Variants in CSMD1 observed in about 807,000 individuals in gnomAD.
CSMD1 encodes the protein CUB and sushi domain-containing protein 1.
Under a neutral mutation model 417.5 loss-of-function variants are expected in CSMD1, and 213 were observed. The observed-to-expected ratio is 0.51, with a 90% CI of 0.46 to 0.57. The LOEUF is 0.57. Ranked by LOEUF, CSMD1 falls within the 20% of genes least tolerant of loss-of-function variation. The probability of loss-of-function intolerance (pLI) is 0.00; values close to 1 mark genes in which losing one functional copy is unlikely to be tolerated. For missense variants in CSMD1, 6,923 were observed against 4,529.7 expected, an observed-to-expected ratio of 1.53 and a Z score of -15.17; for synonymous variants, 2,862 against 1,736.8, an observed-to-expected ratio of 1.65 and a Z score of -16.11.
intron 5 of CSMD1, among the ~76,000 whole-genome samples, chr8:3,847,445 G>C (rs895885834): frequency 6.6e-6 from 1 of 152,110 alleles, no homozygotes; most frequent in Non-Finnish European, 1.5e-5. Context: ...GGCAGTTTTG[G>C]GGTCCTGAGC....
intron 5 of CSMD1, among the ~76,000 whole-genome samples, chr8:3,880,917 T>A (rs1806164416): frequency 6.6e-6 from 1 of 152,170 alleles, no homozygotes; most frequent in Admixed American, 6.6e-5. Flanking sequence ...CAATGTTATT[T>A]ACCAAGTATT....
chr8:4,664,745 T>C (rs796458224), intron 1 of CSMD1, among the ~76,000 whole-genome samples: 11 of 152,284 alleles, frequency 7.2e-5, no homozygotes, highest in African/African-American at 2.4e-4. Flanking sequence ...ATGCTAATCT[T>C]ATAGAGACAA....
intron 23 of CSMD1, among the ~76,000 whole-genome samples, chr8:3,331,791 G>C (rs555190195): frequency 6.6e-6 from 1 of 152,144 alleles, no homozygotes; most frequent in African/African-American, 2.4e-5. Flanking sequence ...CCGTGTGAAT[G>C]ATATATTGAA....
chr8:4,703,384 G>C (rs551375871), intron 1 of CSMD1, among the ~76,000 whole-genome samples: 3 of 152,254 alleles, frequency 2.0e-5, no homozygotes, highest in African/African-American at 7.2e-5. Context: ...AGAAGAAATA[G>C]CGATGGACTC....
At chr8:3,102,085 T>C (rs988407112) in intron 46 of CSMD1, among the ~76,000 whole-genome samples, 3 of 152,066 alleles carry the variant, frequency 2.0e-5, no homozygotes, top group Admixed American at 6.6e-5. Flanking sequence ...GGTGATAAGT[T>C]TCAAAGCACA....
chr8:4,609,728 G>T (rs953230256), intron 2 of CSMD1, among the ~76,000 whole-genome samples: 1 of 151,988 alleles, frequency 6.6e-6, no homozygotes, highest in Non-Finnish European at 1.5e-5. Context: ...CAAGAAAACA[G>T]AAAAAAGTCA....
At chr8:4,978,689 G>A (rs571647315) in intron 1 of CSMD1, among the ~76,000 whole-genome samples, 2 of 152,286 alleles carry the variant, frequency 1.3e-5, no homozygotes, top group Admixed American at 1.3e-4. Context: ...TGTAATCCCA[G>A]CACTTTGGGA....
chr8:3,220,139 C>G (rs1420898587), intron 28 of CSMD1, among the ~76,000 whole-genome samples: 2 of 107,066 alleles, frequency 1.9e-5, no homozygotes, highest in Non-Finnish European at 3.6e-5. Context: ...AGAGACAGAA[C>G]AAGACCCTGT....
chr8:4,275,712 T>C (rs1796446644), intron 3 of CSMD1, among the ~76,000 whole-genome samples: 1 of 152,212 alleles, frequency 6.6e-6, no homozygotes, highest in Non-Finnish European at 1.5e-5. Flanking sequence ...CTCAGTGTGA[T>C]TCCATTCACA....
intron 5 of CSMD1, among the ~76,000 whole-genome samples, chr8:3,943,510 T>G (rs1246941190): frequency 6.6e-6 from 1 of 151,022 alleles, no homozygotes; most frequent in East Asian, 1.9e-4. Flanking sequence ...GAAGTATTAT[T>G]GAAAATGGAA....
chr8:3,717,969 T>C (rs989458898), intron 6 of CSMD1, among the ~76,000 whole-genome samples: 2 of 152,200 alleles, frequency 1.3e-5, no homozygotes, highest in African/African-American at 4.8e-5. Flanking sequence ...TCTAGAACTA[T>C]AGGACCAGTT....
intron 7 of CSMD1, among the ~76,000 whole-genome samples, chr8:3,701,466 C>A (rs1800863059): frequency 6.6e-6 from 1 of 151,684 alleles, no homozygotes; most frequent in African/African-American, 2.4e-5. Flanking sequence ...AACTCAGAGG[C>A]TGACATGAGG....
chr8:3,228,728 T>C (rs759697186), intron 27 of CSMD1, among the ~76,000 whole-genome samples: 3 of 152,054 alleles, frequency 2.0e-5, no homozygotes, highest in African/African-American at 4.8e-5. Context: ...AACTCGTAGT[T>C]ATATTGCTTT....
At chr8:4,672,067 TAG>T (rs1805365787) in intron 1 of CSMD1, among the ~76,000 whole-genome samples, 2 of 152,254 alleles carry the variant, frequency 1.3e-5, no homozygotes, top group South Asian at 4.1e-4. Flanking sequence ...TGTTGAAAGA[TAG>T]AGTTTCCTTT....
intron 3 of CSMD1, among the ~76,000 whole-genome samples, chr8:4,098,583 A>T (rs1801145108): frequency 6.6e-6 from 1 of 152,044 alleles, no homozygotes; most frequent in African/African-American, 2.4e-5. Context: ...AAGATTGGGA[A>T]CTCAACACCC....
intron 1 of CSMD1, among the ~76,000 whole-genome samples, chr8:4,694,708 C>T (rs1381756977): frequency 1.3e-5 from 2 of 152,132 alleles, no homozygotes; most frequent in African/African-American, 4.8e-5. Flanking sequence ...TGTTTCCCTA[C>T]AATGTGTAAC....
rs946670266 is a variant in CSMD1 at position 3,117,464 on chromosome 8, C to G, written c.6430+935G>C. 2.0e-5 allele frequency among the ~76,000 whole-genome samples: 3 copies of G among 152,166 alleles called. No homozygotes were observed. In the East Asian group the frequency reaches 5.8e-4, roughly 29 times the overall value. ...TTAAAGCACAGCCAGATGTCTTCCC[C>G]TTTTCCCCACAGGATACAAGTGCTT... On this transcript the variant is annotated intron_variant, in intron 42 of 69. Coordinates refer to ENST00000635120, the MANE Select transcript of CSMD1 (RefSeq NM_033225.6).
chr8:4,242,306 A>G (rs1034582919), intron 3 of CSMD1, among the ~76,000 whole-genome samples: 2 of 152,156 alleles, frequency 1.3e-5, no homozygotes, highest in Non-Finnish European at 2.9e-5. Context: ...AATTCATAGT[A>G]GTGTAATTAC....
chr8:3,501,276 A>G (rs899894976), intron 10 of CSMD1, among the ~76,000 whole-genome samples: 1 of 152,162 alleles, frequency 6.6e-6, no homozygotes, highest in African/African-American at 2.4e-5. Flanking sequence ...ACACACATGC[A>G]CACACATACA....
Sources: allele counts gnomAD v4.1 joint callset (sites outside exome capture counted in the v4.1 genomes callset), GRCh38; gene constraint gnomAD v4.1.1; transcripts MANE v1.5; gene names NCBI Gene and HGNC (gene_info 2026-07-23, HGNC 2026-07-21).